DOCK2: variants seen among roughly 807,000 people sequenced by gnomAD.
The protein encoded by DOCK2 is dedicator of cytokinesis protein 2.
A neutral mutation model predicts 248.9 loss-of-function variants in DOCK2; 87 were observed. The observed-to-expected ratio is 0.35, with a 90% CI of 0.29 to 0.42. The LOEUF (loss-of-function observed/expected upper bound fraction) is 0.42. Ranked by LOEUF, DOCK2 falls within the 10% of genes least tolerant of loss-of-function variation. DOCK2 has a pLI of 1.00. For missense variants in DOCK2, 1,747 were observed against 2,300.2 expected (o/e 0.76, Z 4.92); for synonymous variants, 805 against 821.6 (o/e 0.98, Z 0.35).
In DOCK2 at chr5:169,795,411, C is replaced by T. The variant is rs1581200215; in HGVS notation, c.2555-7647C>T. Reference sequence around the variant, plus strand: ...GTTCATAAAGTGGAGACGTAGATGGCGCCGGAGGCTCGCCAGAGGGCTGCA... The same window carrying T: ...GTTCATAAAGTGGAGACGTAGATGGTGCCGGAGGCTCGCCAGAGGGCTGCA... On this transcript the variant is annotated intron_variant, in intron 25 of 51. Transcript: ENST00000520908. 3.9e-5 allele frequency among the ~76,000 whole-genome samples: 6 copies of T among 152,068 alleles called. 1 individual carries two copies. The South Asian group carries it at 1.0e-3, about 26-fold the overall frequency.
intron 27 of DOCK2, among the ~76,000 whole-genome samples, chr5:169,903,934 T>C (rs1043241840): frequency 3.3e-5 from 5 of 151,810 alleles, no homozygotes; most frequent in African/African-American, 1.2e-4. Flanking sequence ...GCTCTGCCTC[T>C]ACAAAAAATA....
At chr5:169,715,653 A>T (rs190618450) in intron 19 of DOCK2, among the ~76,000 whole-genome samples, 147 of 151,790 alleles carry the variant, frequency 9.7e-4, no homozygotes, top group Non-Finnish European at 1.8e-3. Flanking sequence ...GATGAAATAG[A>T]TACAGAGCAG....
chr5:169,871,158 A>C (rs977921256), intron 27 of DOCK2, among the ~76,000 whole-genome samples: 1 of 152,192 alleles, frequency 6.6e-6, no homozygotes, highest in African/African-American at 2.4e-5. Flanking sequence ...AAATATCATC[A>C]CATGGGGCAT....
chr5:169,650,876 A>ATGGGGAATTCCC (rs1757766841), intron 1 of DOCK2, among the ~76,000 whole-genome samples: 2 of 152,176 alleles, frequency 1.3e-5, no homozygotes, highest in South Asian at 4.2e-4. Flanking sequence ...GGGCTTGGCG[A>ATGGGGAATTCCC]CCTGGCACGA....
chr5:169,685,340 GGAA>G (rs1375936795), intron 8 of DOCK2, among the ~76,000 whole-genome samples: 1 of 152,162 alleles, frequency 6.6e-6, no homozygotes, highest in Non-Finnish European at 1.5e-5. Context: ...GAATCTCCAG[GGAA>G]GAGACTTTGC....
At chr5:169,919,950 A>G (rs759967339) in intron 27 of DOCK2, among the ~76,000 whole-genome samples, 3 of 152,240 alleles carry the variant, frequency 2.0e-5, no homozygotes, top group Non-Finnish European at 4.4e-5. Context: ...ATGCCAAGTA[A>G]CTACACTTTG....
chr5:169,879,279 G>A (rs975827054), intron 27 of DOCK2, among the ~76,000 whole-genome samples: 14 of 151,846 alleles, frequency 9.2e-5, no homozygotes, highest in African/African-American at 3.4e-4. Context: ...AAGGCCTGGG[G>A]ATGAGTATTT....
At chr5:169,825,450 A>T (rs1004038468) in intron 26 of DOCK2, among the ~76,000 whole-genome samples, 8 of 151,044 alleles carry the variant, frequency 5.3e-5, no homozygotes, top group African/African-American at 2.0e-4. Flanking sequence ...ATAGAAAATG[A>T]TGAGTTCATG....
intron 27 of DOCK2, among the ~76,000 whole-genome samples, chr5:169,853,531 T>C (rs995437246): frequency 1.3e-5 from 2 of 152,190 alleles, no homozygotes; most frequent in Non-Finnish European, 2.9e-5. Context: ...AACACAAGAC[T>C]ATTCTGTGAA....
At chr5:169,846,358 A>T (rs546242625) in intron 27 of DOCK2, among the ~76,000 whole-genome samples, 7 of 152,274 alleles carry the variant, frequency 4.6e-5, no homozygotes, top group African/African-American at 1.4e-4. Flanking sequence ...CTTTGCGATG[A>T]CCATTCCTGA....
At chr5:169,824,495 C>A (rs1464003038) in intron 26 of DOCK2, among the ~76,000 whole-genome samples, 1 of 152,188 alleles carries the variant, frequency 6.6e-6, no homozygotes, top group Admixed American at 6.5e-5. Flanking sequence ...TGATCTTTGA[C>A]AAACCTGAGA....
intron 1 of DOCK2, among the ~76,000 whole-genome samples, chr5:169,646,158 T>G (rs149604152): frequency 4.3e-4 from 65 of 152,326 alleles, no homozygotes; most frequent in Admixed American, 2.5e-3. Context: ...TTTCCACATA[T>G]GGCTGGCCAG....
Position 169,702,411 on chromosome 5 carries a change from A to G in DOCK2, c.1367A>G (p.Asp456Gly). The change falls in exon 14 of 52, where the codon GAT becomes GGT. Residue 456 changes from aspartate (D) to glycine (G), a missense_variant. Physicochemically the swap from Asp to Gly is moderately conservative, Grantham distance 94 (BLOSUM62 -1). Coordinates refer to ENST00000520908, the MANE Select transcript of DOCK2 (RefSeq NM_004946.3). The part of the protein sequence containing the change: ...VEVIMCVCAE[D>G]GKTLPNAICV... The stretch of plus-strand genomic sequence containing the variant: ...GTCATCATGTGTGTGTGCGCGGAGG[A>G]TGGCAAAACGCTGCCTGTAAGGGAC... 1 of 1,613,882 alleles carries G rather than the reference A, an allele frequency of 6.2e-7. No individual in the cohort carries two copies. The highest frequency in any genetic ancestry group is 2.2e-5 in the East Asian group (1 of 44,842).
rs180699406 is a variant in DOCK2 at position 169,681,257 on chromosome 5, G to A, written c.471-487G>A. Among the ~76,000 whole-genome samples, 423 of 151,298 alleles carry A rather than the reference G, an allele frequency of 2.8e-3. 5 individuals carry two copies. The highest frequency in any genetic ancestry group is 9.9e-3 in the African/African-American group (408 of 41,188). ...TCCTGTCTCAGCCTCCCGAGTAGCT[G>A]GGATTACAGGAGCTCACCACCATGC... On this transcript the variant is annotated intron_variant, in intron 6 of 51. Coordinates refer to ENST00000520908, the MANE Select transcript of DOCK2 (RefSeq NM_004946.3).
chr5:169,974,818 AT>A (rs1777657232), intron 27 of DOCK2, among the ~76,000 whole-genome samples: 1 of 151,876 alleles, frequency 6.6e-6, no homozygotes, highest in Admixed American at 6.6e-5. Context: ...TCTTTTTGCA[AT>A]CATATTTGTG....
intron 2 of DOCK2, among the ~76,000 whole-genome samples, chr5:169,668,593 G>A (rs1005165527): frequency 1.3e-5 from 2 of 152,168 alleles, no homozygotes; most frequent in Non-Finnish European, 2.9e-5. Flanking sequence ...TCATTTCAAA[G>A]GCCAGCCGAC....
chr5:169,884,000 A>G, intron 27 of DOCK2: 4 of 1,176,934 alleles, frequency 3.4e-6, no homozygotes, highest in Non-Finnish European at 4.5e-6. Context: ...ATCATAGAGA[A>G]CTGCTGGCCA....
chr5:169,760,184 T>G (rs1004341803), intron 24 of DOCK2, among the ~76,000 whole-genome samples: 2 of 152,178 alleles, frequency 1.3e-5, no homozygotes, highest in Non-Finnish European at 2.9e-5. Context: ...GCCTTCTACT[T>G]CTTAACTACG....
intron 1 of DOCK2, among the ~76,000 whole-genome samples, chr5:169,651,342 G>GA (rs1232431984): frequency 2.6e-5 from 4 of 152,176 alleles, no homozygotes; most frequent in African/African-American, 9.7e-5. Flanking sequence ...AATGAATACG[G>GA]ATCTTCACTT....
Sources: allele counts gnomAD v4.1 joint callset (sites outside exome capture counted in the v4.1 genomes callset), GRCh38; gene constraint gnomAD v4.1.1; transcripts MANE v1.5; gene names NCBI Gene and HGNC (gene_info 2026-07-23, HGNC 2026-07-21).